Variants in UST observed in about 807,000 individuals in gnomAD.
UST encodes chondroitin sulfate 2-O-sulfotransferase.
In UST, 21 loss-of-function variants were observed where a neutral mutation model predicts 45.6. The observed-to-expected ratio is 0.46, with a 90% CI of 0.33 to 0.66. UST has a LOEUF of 0.66. UST is among the 30% of genes least tolerant of loss of function. The pLI is 0.02. For synonymous variants in UST, 215 were observed against 200.6 expected, an observed-to-expected ratio of 1.07 and a Z score of -0.61; for missense variants, 463 against 512.4, an observed-to-expected ratio of 0.90 and a Z score of 0.93.
intron 1 of UST, among the ~76,000 whole-genome samples, chr6:148,786,323 A>T (rs986124158): frequency 4.6e-5 from 7 of 152,182 alleles, no homozygotes; most frequent in Non-Finnish European, 8.8e-5. Flanking sequence ...TGCACAGATC[A>T]TCCCATCACC....
chr6:148,816,219 A>G (rs546516868), intron 1 of UST, among the ~76,000 whole-genome samples: 1 of 152,312 alleles, frequency 6.6e-6, no homozygotes, highest in African/African-American at 2.4e-5. Context: ...GTAATGCACC[A>G]CAGTCCCCTG....
rs1554234078 is a variant in UST, at chr6:149,010,913, A to AAAC, written c.682-8224_682-8223insCAA. 9.2e-3 allele frequency among the ~76,000 whole-genome samples: 852 copies of AAAC among 92,986 alleles called. 36 individuals carry two copies. Among genetic ancestry groups the AAAC allele is most frequent in the African/African-American group, 0.036 (820 of 22,936 alleles). 61.0% of individuals were successfully genotyped at this position (92,986 alleles called of 152,430 possible). A position where few individuals can be genotyped will look rare whatever the true frequency, so the allele number is the denominator to read the frequency against. Reference sequence around the variant, plus strand: ...TCTCAACCAAAAAAAAAAAAAAAAAAAAAAAACTGTGACTATTTATTTGTC... The same window carrying AAAC: ...TCTCAACCAAAAAAAAAAAAAAAAAAAACAAAAAACTGTGACTATTTATTTGTC... On this transcript the variant is annotated intron_variant, in intron 5 of 7. Coordinates refer to ENST00000367463, the MANE Select transcript of UST (RefSeq NM_005715.3).
intron 3 of UST, among the ~76,000 whole-genome samples, chr6:148,945,649 T>C (rs1048884619): frequency 1.5e-4 from 23 of 152,346 alleles, no homozygotes; most frequent in African/African-American, 4.8e-4. Context: ...TTGTCCCGAA[T>C]GAATCAATTC....
chr6:148,819,094 G>T (rs765632103), intron 1 of UST, among the ~76,000 whole-genome samples: 1 of 152,130 alleles, frequency 6.6e-6, no homozygotes, highest in Non-Finnish European at 1.5e-5. Context: ...GCAAAACCCC[G>T]CTGGGCTCTG....
chr6:148,801,557 T>C (rs1014822422), intron 1 of UST, among the ~76,000 whole-genome samples: 2 of 152,128 alleles, frequency 1.3e-5, no homozygotes, highest in African/African-American at 4.8e-5. Context: ...GTGTGGTAGA[T>C]GTGTGAAGGT....
chr6:148,982,729 G>A, intron 5 of UST, among the ~76,000 whole-genome samples: 1 of 152,156 alleles, frequency 6.6e-6, no homozygotes, highest in Non-Finnish European at 1.5e-5. Flanking sequence ...CCTTAACAGT[G>A]CTTTTAAACT....
At chr6:148,795,573 G>A (rs1582816861) in intron 1 of UST, among the ~76,000 whole-genome samples, 2 of 151,924 alleles carry the variant, frequency 1.3e-5, no homozygotes, top group South Asian at 2.1e-4. Flanking sequence ...TCCTCTCAAC[G>A]CCTGCCGTAT....
In UST at chr6:148,901,176, T is replaced by A. The variant is rs1451101761; in HGVS notation, c.291+14147T>A. 2.6e-5 allele frequency among the ~76,000 whole-genome samples: 4 copies of A among 152,330 alleles called. No individual in the cohort carries two copies. The East Asian group carries it at 7.7e-4, about 29-fold the overall frequency. On this transcript the variant is annotated intron_variant, in intron 2 of 7. Coordinates refer to ENST00000367463, the MANE Select transcript of UST (RefSeq NM_005715.3). ...ATCATTCTGCCTTCTTTCCTCAGCCTCCAGTAGCTTCTCAAGAACAGGCGC... is the reference window on the plus strand; with the variant it reads ...ATCATTCTGCCTTCTTTCCTCAGCCACCAGTAGCTTCTCAAGAACAGGCGC...
intron 1 of UST, among the ~76,000 whole-genome samples, chr6:148,761,501 C>T (rs941367827): frequency 6.8e-6 from 1 of 147,632 alleles, no homozygotes; most frequent in African/African-American, 2.5e-5. Context: ...GCTTTAGTGT[C>T]AGAATTCATC....
At chr6:148,893,537 A>T (rs1161922836) in intron 2 of UST, among the ~76,000 whole-genome samples, 1 of 152,244 alleles carries the variant, frequency 6.6e-6, no homozygotes, top group African/African-American at 2.4e-5. Context: ...CAGAGAGCAC[A>T]TGCTTCTGTG....
At chr6:148,878,743 G>A (rs796641708) in intron 1 of UST, among the ~76,000 whole-genome samples, 4 of 122,932 alleles carry the variant, frequency 3.3e-5, no homozygotes, top group Admixed American at 8.1e-5. Flanking sequence ...TGTATGAGTC[G>A]GGGGTTCAGG....
At chr6:148,828,141 A>G (rs1193193537) in intron 1 of UST, among the ~76,000 whole-genome samples, 12 of 152,104 alleles carry the variant, frequency 7.9e-5, no homozygotes, top group Admixed American at 7.9e-4. Context: ...TGTCAAATAT[A>G]TCTGTCAGGA....
intron 2 of UST, among the ~76,000 whole-genome samples, chr6:148,919,100 A>G (rs1227799553): frequency 2.0e-5 from 3 of 152,152 alleles, no homozygotes; most frequent in African/African-American, 4.8e-5. Context: ...GTTAATACCC[A>G]GTCTCCAACT....
At chr6:148,892,174 G>A (rs376250537) in intron 2 of UST, among the ~76,000 whole-genome samples, 3 of 152,276 alleles carry the variant, frequency 2.0e-5, no homozygotes, top group South Asian at 2.1e-4. Flanking sequence ...CTGAAGAGTC[G>A]TAGTCTGACG....
Position 148,748,399 on chromosome 6 carries a change from TTGTGTGTGTGTGTGTGTG to T in UST, c.247+759_247+776del, listed in dbSNP as rs34342100. On this transcript the variant is annotated intron_variant, in intron 1 of 7. Transcript: ENST00000367463. The surrounding 1 kb of genome is among the most constrained non-coding windows in gnomAD (Gnocchi z 5.3). ...GTGCGTCTCAAGCTCAAGTCAAAAC[TTGTGTGTGTGTGTGTGTG>T]TGTGTGTGTGTGTGTGTGTGTGTGT... is the stretch of plus-strand genomic sequence containing the variant. 7.0e-3 allele frequency among the ~76,000 whole-genome samples: 887 copies of T among 127,606 alleles called. 9 individuals are homozygous for T. The highest frequency in any genetic ancestry group is 0.032 in the South Asian group (109 of 3,460). 83.7% of individuals were successfully genotyped at this position (127,606 alleles called of 152,430 possible).
intron 5 of UST, among the ~76,000 whole-genome samples, chr6:149,011,570 G>A (rs1481453453): frequency 1.3e-5 from 2 of 152,280 alleles, no homozygotes; most frequent in African/African-American, 4.8e-5. Flanking sequence ...TATTTTTGGG[G>A]GAGGCCAAGG....
chr6:148,987,867 C>T (rs1246757856), intron 5 of UST, among the ~76,000 whole-genome samples: 2 of 152,062 alleles, frequency 1.3e-5, no homozygotes, highest in Non-Finnish European at 2.9e-5. Flanking sequence ...GACGTGTATT[C>T]GTTCAGCCAA....
At chr6:149,019,544 T>C (rs759698281) in intron 6 of UST, among the ~76,000 whole-genome samples, 1 of 152,186 alleles carries the variant, frequency 6.6e-6, no homozygotes, top group Non-Finnish European at 1.5e-5. Flanking sequence ...TTTGTCTTTC[T>C]CTTTGGATAA....
At chr6:148,893,069 C>T (rs1308729476) in intron 2 of UST, among the ~76,000 whole-genome samples, 1 of 151,862 alleles carries the variant, frequency 6.6e-6, no homozygotes, top group Non-Finnish European at 1.5e-5. Flanking sequence ...ATTTATAAAA[C>T]CTAAAAAACT....
Sources: allele counts gnomAD v4.1 joint callset (sites outside exome capture counted in the v4.1 genomes callset), GRCh38; gene constraint gnomAD v4.1.1; non-coding constraint Gnocchi (gnomAD v3.1); transcripts MANE v1.5; gene names NCBI Gene and HGNC (gene_info 2026-07-23, HGNC 2026-07-21).